Variants in KMT2C observed in about 807,000 individuals in gnomAD.
The protein encoded by KMT2C is lysine methyltransferase 2C, also known as histone-lysine N-methyltransferase 2C.
A neutral mutation model predicts 507.9 loss-of-function variants in KMT2C; 88 were observed. That is an observed-to-expected ratio of 0.17 (90% CI 0.15 to 0.21). The LOEUF (loss-of-function observed/expected upper bound fraction) is 0.21, where lower values mean the gene tolerates loss of function less well. Among genes scored for constraint, KMT2C ranks in the 10% least tolerant of loss-of-function variants. The probability of loss-of-function intolerance (pLI) is 1.00; values close to 1 mark genes in which losing one functional copy is unlikely to be tolerated. For missense variants in KMT2C, 4,954 were observed against 5,957.8 expected, an observed-to-expected ratio of 0.83 and a Z score of 5.55; for synonymous variants, 2,049 against 2,080.8, an observed-to-expected ratio of 0.98 and a Z score of 0.42.
chr7:152,412,847 T>C (rs1380655123), intron 1 of KMT2C, among the ~76,000 whole-genome samples: 4 of 152,246 alleles, frequency 2.6e-5, no homozygotes, highest in Non-Finnish European at 4.4e-5. Context: ...TTTTTTCAGA[T>C]CTATAAAATC....
chr7:152,423,407 G>A (rs915299860), intron 1 of KMT2C, among the ~76,000 whole-genome samples: 8 of 152,218 alleles, frequency 5.3e-5, no homozygotes, highest in Admixed American at 2.0e-4. Context: ...CTCTGTGATA[G>A]TTCTAGCCAA....
intron 1 of KMT2C, among the ~76,000 whole-genome samples, chr7:152,415,551 A>C (rs930732018): frequency 1.3e-5 from 2 of 152,092 alleles, no homozygotes; most frequent in Admixed American, 1.3e-4. Flanking sequence ...CATGGACAAA[A>C]CACGACTGGG....
rs779855322 is a variant in KMT2C at position 152,167,138 on chromosome 7, T to C, written c.9750+8A>G. ...TGGTAGTTTCTATTTTGCAAACCTA[T>C]TTATTACCTGTTCTAGCTGTTTCTG... is the stretch of plus-strand genomic sequence containing the variant. On this transcript the variant is annotated splice_region_variant and intron_variant, in intron 42 of 58. Coordinates refer to ENST00000262189, the MANE Select transcript of KMT2C (RefSeq NM_170606.3). 2 of 1,608,868 alleles carry C rather than the reference T, an allele frequency of 1.2e-6. No individual in the cohort carries two copies. Among genetic ancestry groups the C allele is most frequent in the African/African-American group, 2.7e-5 (2 of 74,786 alleles).
chr7:152,385,279 T>C (rs1266056780), intron 1 of KMT2C, among the ~76,000 whole-genome samples: 11 of 151,340 alleles, frequency 7.3e-5, no homozygotes, highest in Admixed American at 4.6e-4. Context: ...TTAAGACACT[T>C]AATCGCAATA....
chr7:152,242,464 T>C (rs2095405139), intron 14 of KMT2C, among the ~76,000 whole-genome samples: 1 of 152,186 alleles, frequency 6.6e-6, no homozygotes. Flanking sequence ...AAATAGTTCC[T>C]AATGTAATCA....
intron 1 of KMT2C, among the ~76,000 whole-genome samples, chr7:152,416,353 A>G (rs1244478340): frequency 2.6e-5 from 4 of 152,100 alleles, no homozygotes; most frequent in Non-Finnish European, 2.9e-5. Flanking sequence ...AGACCATCCT[A>G]GCTAACACGG....
chr7:152,415,171 A>G (rs1323256032), intron 1 of KMT2C, among the ~76,000 whole-genome samples: 1 of 152,184 alleles, frequency 6.6e-6, no homozygotes, highest in Non-Finnish European at 1.5e-5. Context: ...AGGACTTATT[A>G]CTAGTCCTAG....
intron 2 of KMT2C, among the ~76,000 whole-genome samples, chr7:152,342,515 A>G (rs1217364861): frequency 2.6e-5 from 4 of 152,220 alleles, no homozygotes; most frequent in African/African-American, 9.6e-5. Flanking sequence ...CATAAGGTCA[A>G]TAAAGTCACA....
chr7:152,155,806 TG>T, intron 46 of KMT2C, 103 bp downstream of exon 46: 1 of 1,098,558 alleles, frequency 9.1e-7, no homozygotes, highest in African/African-American at 1.6e-5. Flanking sequence ...ACTCTTCAAA[TG>T]TTTTTACATG....
intron 1 of KMT2C, among the ~76,000 whole-genome samples, chr7:152,391,717 A>G (rs2097500282): frequency 6.6e-6 from 1 of 151,394 alleles, no homozygotes; most frequent in South Asian, 2.1e-4. Flanking sequence ...TTGTATTTTT[A>G]GTAGATACGG....
chr7:152,322,586 G>A (rs141830364), intron 3 of KMT2C, among the ~76,000 whole-genome samples: 125 of 151,906 alleles, frequency 8.2e-4, no homozygotes, highest in African/African-American at 2.7e-3. Context: ...CTTATGTTTC[G>A]GATGTCAAAC....
chr7:152,162,378 C>A lies in KMT2C; in HGVS notation c.11199G>T (p.Glu3733Asp), dbSNP rs2129103717. The change falls in exon 43 of 59, where the codon GAG becomes GAT. Residue 3733 changes from glutamate (E) to aspartate (D), a missense_variant. Physicochemically the swap from Glu to Asp is conservative, Grantham distance 45 (BLOSUM62 2). Transcript: ENST00000262189. The part of the protein sequence containing the change: ...AETESCPGQE[E>D]PKLEEQNGSK... ...TACCATTCTGTTCCTCCAATTTAGG[C>A]TCCTCTTGGCCTGGGCAGGACTCTG... The A allele has an allele frequency of 6.2e-7, 1 of 1,614,234 alleles. No homozygotes were observed. The highest frequency in any genetic ancestry group is 1.1e-5 in the South Asian group (1 of 91,092).
At chr7:152,411,394 GAAAA>G (rs10625393) in intron 1 of KMT2C, among the ~76,000 whole-genome samples, 1 of 106,608 alleles carries the variant, frequency 9.4e-6, no homozygotes, top group East Asian at 2.8e-4. Flanking sequence ...GCCCACACAA[GAAAA>G]AAAAGAGCAT....
At chr7:152,356,897 GAATAATAATAATAATAAT>G (rs55935930) in intron 2 of KMT2C, among the ~76,000 whole-genome samples, 5 of 138,338 alleles carry the variant, frequency 3.6e-5, no homozygotes, top group Admixed American at 7.4e-5. Context: ...AACTCAAAAA[GAATAATAATAATAATAAT>G]AATAATAATA....
At chr7:152,223,482 A>G (rs2094836242) in intron 20 of KMT2C, among the ~76,000 whole-genome samples, 1 of 152,150 alleles carries the variant, frequency 6.6e-6, no homozygotes, top group African/African-American at 2.4e-5. Context: ...TAAACCCTCA[A>G]AAAGGCCTAA....
intron 26 of KMT2C, among the ~76,000 whole-genome samples, chr7:152,201,617 G>GAAA (rs745427209): frequency 4.4e-5 from 1 of 22,906 alleles, no homozygotes; most frequent in Admixed American, 5.2e-4. Flanking sequence ...CAACAAAGAT[G>GAAA]AAAAAAAAAA....
intron 1 of KMT2C, among the ~76,000 whole-genome samples, chr7:152,368,852 T>G (rs1472820640): frequency 3.3e-5 from 5 of 152,202 alleles, no homozygotes; most frequent in Non-Finnish European, 7.3e-5. Flanking sequence ...GGGTGTTGTG[T>G]ACTTAGAAAG....
Position 152,194,032 on chromosome 7 carries a change from T to A in KMT2C, c.4637A>T (p.Gln1546Leu). 6.3e-7 allele frequency: 1 copy of A among 1,577,780 alleles called. No homozygotes were observed. Among genetic ancestry groups the A allele is most frequent in the South Asian group, 1.2e-5 (1 of 84,310 alleles). ...TPLPQPPPPT[Q>L]LLPIHNQDAF... ...ACCCTGATTGTGTATTGGCAACAGC[T>A]GTGTTGGTGGGGGAGGCTGTGGCAA... The change falls in exon 31 of 59, where the codon CAG (glutamine) becomes CTG (leucine). Residue 1546 changes from glutamine (Q) to leucine (L), a missense_variant. Physicochemically the swap from Gln to Leu is moderately radical, Grantham distance 113. Transcript: ENST00000262189.
intron 2 of KMT2C, among the ~76,000 whole-genome samples, chr7:152,354,903 G>A (rs1185624977): frequency 6.6e-6 from 1 of 152,194 alleles, no homozygotes; most frequent in East Asian, 1.9e-4. Context: ...TTGACAGAGG[G>A]AAGTAAAAGG....
Sources: gnomAD v4.1 joint callset for allele counts (sites outside exome capture counted in the v4.1 genomes callset) on GRCh38, gnomAD v4.1.1 for gene constraint, MANE v1.5 for transcripts, NCBI Gene and HGNC (gene_info 2026-07-23, HGNC 2026-07-21) for gene names.